Variants in RASAL2 observed in about 807,000 individuals in gnomAD.
RASAL2 encodes the protein ras GTPase-activating protein nGAP.
RASAL2 carries 58 observed loss-of-function variants against 128.9 expected under a neutral mutation model. The observed-to-expected ratio is 0.45, with a 90% CI of 0.36 to 0.56. The LOEUF (loss-of-function observed/expected upper bound fraction) is 0.56, where lower values mean the gene tolerates loss of function less well. RASAL2 is among the 20% of genes least tolerant of loss of function. The probability of loss-of-function intolerance (pLI) is 0.00; values close to 1 mark genes in which losing one functional copy is unlikely to be tolerated. For synonymous variants in RASAL2, 561 were observed against 580.8 expected, an observed-to-expected ratio of 0.97 and a Z score of 0.49; for missense variants, 1,360 against 1,601.6, an observed-to-expected ratio of 0.85 and a Z score of 2.57.
chr1:178,425,823 C>T (rs987414039), intron 5 of RASAL2, among the ~76,000 whole-genome samples: 1 of 152,156 alleles, frequency 6.6e-6, no homozygotes, highest in Admixed American at 6.5e-5. Context: ...GTCTCATTGC[C>T]ACCTTTTTCT....
chr1:178,353,899 G>A (rs1334470499), intron 3 of RASAL2, among the ~76,000 whole-genome samples: 1 of 151,988 alleles, frequency 6.6e-6, no homozygotes, highest in East Asian at 1.9e-4. Flanking sequence ...AGCCCAGGAG[G>A]TCAAGGCTAC....
chr1:178,243,528 C>A (rs1221154493), intron 1 of RASAL2, among the ~76,000 whole-genome samples: 1 of 151,760 alleles, frequency 6.6e-6, no homozygotes, highest in Non-Finnish European at 1.5e-5. Flanking sequence ...AGAATGCTTT[C>A]CCTGGCTGCT....
At chr1:178,409,096 C>A (rs1277079188) in intron 4 of RASAL2, among the ~76,000 whole-genome samples, 1 of 151,990 alleles carries the variant, frequency 6.6e-6, no homozygotes, top group Non-Finnish European at 1.5e-5. Context: ...AGAGAGCAAG[C>A]GGGGAACTGC....
rs879578177 is a variant in RASAL2, at chr1:178,395,793, T to TATATATATATATATATATATA, written c.564+5587_564+5588insATATATATATATATATATATA. Among the ~76,000 whole-genome samples, 145 of 124,506 alleles carry TATATATATATATATATATATA rather than the reference T, an allele frequency of 1.2e-3. 2 individuals are homozygous for TATATATATATATATATATATA. The highest frequency in any genetic ancestry group is 4.7e-3 in the African/African-American group (132 of 28,194). 81.7% of individuals were successfully genotyped at this position (124,506 alleles called of 152,430 possible). A position where few individuals can be genotyped will look rare whatever the true frequency, so the allele number is the denominator to read the frequency against. ...ACAGTATATATATATATATATATATTTATTTATTCATATGTGTATGAATGT... is the reference window on the plus strand; with the variant it reads ...ACAGTATATATATATATATATATATTATATATATATATATATATATATATTTATTCATATGTGTATGAATGT... On this transcript the variant is annotated intron_variant, in intron 4 of 17. Transcript: ENST00000367649.
chr1:178,434,556 T>G (rs1357986884), intron 5 of RASAL2, among the ~76,000 whole-genome samples: 3 of 152,134 alleles, frequency 2.0e-5, no homozygotes, highest in Non-Finnish European at 2.9e-5. Context: ...ATGTTATGTT[T>G]CCATAAATAG....
chr1:178,353,117 C>A (rs1406046297), intron 3 of RASAL2, among the ~76,000 whole-genome samples: 1 of 152,240 alleles, frequency 6.6e-6, no homozygotes, highest in African/African-American at 2.4e-5. Context: ...ATTTCTGCAA[C>A]CTGCTTGAAT....
intron 3 of RASAL2, among the ~76,000 whole-genome samples, chr1:178,308,225 A>G (rs1293418673): frequency 6.6e-6 from 1 of 152,208 alleles, no homozygotes; most frequent in African/African-American, 2.4e-5. Flanking sequence ...CCTCCGATAT[A>G]TTCTAGCAAG....
Position 178,285,416 on chromosome 1 carries a change from G to A in RASAL2, c.330+1725G>A, listed in dbSNP as rs35678496. ...ATTACAGGCATGAGCCACCGCGCCC[G>A]GCCGGCATTGCTACTTCCAAGAGGC... On this transcript the variant is annotated intron_variant, in intron 2 of 17. Coordinates refer to ENST00000367649, the MANE Select transcript of RASAL2 (RefSeq NM_170692.4). Among the ~76,000 whole-genome samples the A allele has an allele frequency of 3.2e-3, 493 of 152,156 alleles. 2 individuals carry two copies. Among genetic ancestry groups the A allele is most frequent in the Non-Finnish European group, 2.5e-3 (171 of 67,998 alleles).
intron 3 of RASAL2, among the ~76,000 whole-genome samples, chr1:178,320,495 G>A (rs1347589910): frequency 6.6e-6 from 1 of 152,228 alleles, no homozygotes; most frequent in Non-Finnish European, 1.5e-5. Flanking sequence ...TAGTCTCGTG[G>A]TGCGCCGTTT....
At chr1:178,141,676 C>T (rs1222634541) in intron 1 of RASAL2, among the ~76,000 whole-genome samples, 2 of 152,044 alleles carry the variant, frequency 1.3e-5, no homozygotes, top group South Asian at 2.1e-4. Flanking sequence ...GGAGTGCCTT[C>T]GATGTCATTA....
At chr1:178,188,732 CA>C (rs752007698) in intron 1 of RASAL2, among the ~76,000 whole-genome samples, 3 of 152,090 alleles carry the variant, frequency 2.0e-5, no homozygotes, top group African/African-American at 7.2e-5. Context: ...GATCCTAATT[CA>C]ACATTTATTG....
intron 1 of RASAL2, among the ~76,000 whole-genome samples, chr1:178,115,080 A>G (rs1659477390): frequency 1.3e-5 from 2 of 150,366 alleles, no homozygotes; most frequent in Admixed American, 6.6e-5. Flanking sequence ...TTCCTTATAT[A>G]TTTGGTACAG....
intron 1 of RASAL2, among the ~76,000 whole-genome samples, chr1:178,121,686 G>A (rs138932206): frequency 5.4e-4 from 82 of 152,080 alleles, no homozygotes; most frequent in Non-Finnish European, 9.9e-4. Flanking sequence ...GGGTTTTGCC[G>A]TGTTAGCCAG....
At chr1:178,301,947 C>T (rs1274000840) in intron 3 of RASAL2, among the ~76,000 whole-genome samples, 2 of 152,100 alleles carry the variant, frequency 1.3e-5, no homozygotes, top group African/African-American at 4.8e-5. Context: ...GGTCTAGAGC[C>T]AGTCCTTATC....
chr1:178,432,086 T>C, intron 5 of RASAL2, among the ~76,000 whole-genome samples: 1 of 151,698 alleles, frequency 6.6e-6, no homozygotes, highest in East Asian at 1.9e-4. Flanking sequence ...CTCCTGGAAT[T>C]TTTTACCAAG....
At chr1:178,281,822 A>G (rs1429255342) in intron 1 of RASAL2, among the ~76,000 whole-genome samples, 1 of 152,176 alleles carries the variant, frequency 6.6e-6, no homozygotes, top group Non-Finnish European at 1.5e-5. Flanking sequence ...ATTGTAACCC[A>G]TATTTTTGTC....
intron 1 of RASAL2, among the ~76,000 whole-genome samples, chr1:178,173,233 G>A (rs76799355): frequency 0.021 from 3,174 of 152,128 alleles, 98 homozygotes; most frequent in African/African-American, 0.069. Flanking sequence ...GGGGTGCATA[G>A]CCCCTATTTT....
chr1:178,461,601 A>AT (rs1678205310), intron 14 of RASAL2, among the ~76,000 whole-genome samples: 1 of 152,160 alleles, frequency 6.6e-6, no homozygotes, highest in Non-Finnish European at 1.5e-5. Flanking sequence ...CAGATTTATC[A>AT]TGTACTCTAA....
intron 4 of RASAL2, among the ~76,000 whole-genome samples, chr1:178,391,648 CTT>C (rs1672910480): frequency 6.6e-6 from 1 of 151,924 alleles, no homozygotes; most frequent in Admixed American, 6.6e-5. Flanking sequence ...ACAGTGGACT[CTT>C]TGAATTTGGG....
Sources: gnomAD v4.1 joint callset for allele counts (sites outside exome capture counted in the v4.1 genomes callset) on GRCh38, gnomAD v4.1.1 for gene constraint, MANE v1.5 for transcripts, NCBI Gene and HGNC (gene_info 2026-07-23, HGNC 2026-07-21) for gene names.